Variants in CCT2 observed in about 807,000 individuals in gnomAD.
CCT2 encodes chaperonin containing TCP1 subunit 2.
CCT2 carries 18 observed loss-of-function variants against 61.8 expected under a neutral mutation model. The ratio of observed to expected loss-of-function variants is 0.29; its 90% confidence interval spans 0.20 to 0.43. CCT2 has a LOEUF of 0.43. CCT2 is among the 20% of genes least tolerant of loss of function. CCT2 has a pLI of 1.00. For synonymous variants in CCT2, 248 were observed against 215.9 expected (o/e 1.15, Z -1.30); for missense variants, 556 against 656.9 (o/e 0.85, Z 1.68).
chr12:69,587,598 G>C lies in CCT2; in HGVS notation c.238G>C (p.Ala80Pro). 6.2e-7 allele frequency: 1 copy of C among 1,608,518 alleles called. No individual in the cohort carries two copies. Among genetic ancestry groups the C allele is most frequent in the Middle Eastern group, 1.7e-4 (1 of 6,050 alleles). Residue 80 changes from alanine (A) to proline (P), a missense_variant, in exon 4 of 16, where the codon GCA (alanine) becomes CCA (proline). Physicochemically the swap from Ala to Pro is conservative, Grantham distance 27. Transcript: ENST00000299300. ...ILKNIGVDNP[A>P]AKVLVDMSRV... Reference sequence around the variant, plus strand: ...AAAAAACATTGGTGTTGACAATCCAGCAGCTAAAGTTTTAGTTGGTAAGTC... The same window carrying C: ...AAAAAACATTGGTGTTGACAATCCACCAGCTAAAGTTTTAGTTGGTAAGTC...
At position 69,599,909 on chromosome 12, in the gene CCT2, A is replaced by C. The variant is rs1050845952; in HGVS notation, c.1482A>C (p.Thr494=). 1 of 1,614,030 alleles carries C rather than the reference A, an allele frequency of 6.2e-7. No homozygotes were observed. Among genetic ancestry groups the C allele is most frequent in the Non-Finnish European group, 8.5e-7 (1 of 1,179,886 alleles). Residue 494 remains threonine, a synonymous_variant, in exon 15 of 16, where the codon ACA becomes ACC. Coordinates refer to ENST00000299300, the MANE Select transcript of CCT2 (RefSeq NM_006431.3). The part of the protein sequence containing the change: ...TIGDMAILGI[T]ESFQVKRQVL... ...GAGATATGGCTATCCTGGGTATAACAGAAAGTTTTCAAGTGAAGCGACAGG... is the reference window on the plus strand; with the variant it reads ...GAGATATGGCTATCCTGGGTATAACCGAAAGTTTTCAAGTGAAGCGACAGG...
intron 8 of CCT2, 190 bp from the exon 9 acceptor site, chr12:69,592,786 G>A (rs1881873698): frequency 2.3e-6 from 1 of 430,372 alleles, no homozygotes; most frequent in South Asian, 3.1e-5. Context: ...AAATTAGCTG[G>A]GTGTGGTGGC....
At chr12:69,589,848 ACTC>A (rs1881781786) in intron 7 of CCT2, 161 bp downstream of exon 7, 4 of 616,766 alleles carry the variant, frequency 6.5e-6, no homozygotes, top group Middle Eastern at 4.3e-4. Context: ...TTGACAGTGT[ACTC>A]CTCTTCCCGC....
Position 69,585,513 on chromosome 12 carries a change from C to T in CCT2, c.-9C>T, listed in dbSNP as rs1486574630. The T allele has an allele frequency of 1.3e-6, 2 of 1,568,040 alleles. No individual in the cohort carries two copies. Among genetic ancestry groups the T allele is most frequent in the Admixed American group, 1.9e-5 (1 of 53,278 alleles). ...GGGGATTCACTTGTGTGCGGAACTC[C>T]TCGGAACCATGGTGAGCCTGACTCC... is the stretch of plus-strand genomic sequence containing the variant. On this transcript the variant is annotated 5_prime_UTR_variant, in exon 1 of 16. Transcript: ENST00000299300.
chr12:69,586,320 A>G lies in CCT2; in HGVS notation c.54A>G (p.Glu18=). The G allele has an allele frequency of 1.9e-6, 3 of 1,612,632 alleles. No homozygotes were observed. The highest frequency in any genetic ancestry group is 2.5e-6 in the Non-Finnish European group (3 of 1,178,724). Residue 18 remains glutamate (E), a synonymous_variant, in exon 2 of 16, where the codon GAA becomes GAG. Coordinates refer to ENST00000299300, the MANE Select transcript of CCT2 (RefSeq NM_006431.3). Reference sequence around the variant, plus strand: ...ACATCTTTAAGGCAGGAGCTGATGAAGAGAGAGCAGAGACAGCTCGTCTGG... The same window carrying G: ...ACATCTTTAAGGCAGGAGCTGATGAGGAGAGAGCAGAGACAGCTCGTCTGG... ...PVNIFKAGAD[E]ERAETARLTS...
At chr12:69,585,681 C>T (rs1881625631) in intron 1 of CCT2, 157 bp downstream of exon 1, 2 of 1,513,774 alleles carry the variant, frequency 1.3e-6, no homozygotes, top group African/African-American at 1.4e-5. Context: ...CGGCCTGCGC[C>T]AGGCCAGCCG....
chr12:69,589,121 TTTCA>T, intron 6 of CCT2: 1 of 203,774 alleles, frequency 4.9e-6, no homozygotes, highest in South Asian at 8.2e-5. Flanking sequence ...GTAGATGGGG[TTTCA>T]CCATGTTGCT....
rs746810317 is a variant in CCT2 at position 69,587,659 on chromosome 12, T to C, written c.256+43T>C. 3 of 1,242,222 alleles carry C rather than the reference T, an allele frequency of 2.4e-6. No homozygotes were observed. The African/African-American group carries it at 4.5e-5, about 18-fold the overall frequency. 76.9% of individuals were successfully genotyped at this position (1,242,222 alleles called of 1,614,324 possible). A position where few individuals can be genotyped will look rare whatever the true frequency, so the allele number is the denominator to read the frequency against. ...TTTTCACCAACCTAATAATACTGTT[T>C]GTTAACATTTTTGAAATAACTTTAT... is the stretch of plus-strand genomic sequence containing the variant. On this transcript the variant is annotated intron_variant, in intron 4 of 15. Coordinates refer to ENST00000299300, the MANE Select transcript of CCT2 (RefSeq NM_006431.3).
intron 5 of CCT2, 53 bp downstream of exon 5, chr12:69,588,059 G>A (rs1881716401): frequency 1.3e-6 from 2 of 1,544,710 alleles, no homozygotes. Flanking sequence ...AGTATCAGAG[G>A]TAATCTAGTC....
intron 7 of CCT2, among the ~76,000 whole-genome samples, chr12:69,590,078 C>T (rs1384611874): frequency 6.6e-6 from 1 of 152,188 alleles, no homozygotes; most frequent in Non-Finnish European, 1.5e-5. Flanking sequence ...CATTGAACAA[C>T]ATGGGTTTGA....
chr12:69,598,253 C>T, intron 13 of CCT2, 69 bp from the exon 14 acceptor site: 1 of 1,193,620 alleles, frequency 8.4e-7, no homozygotes, highest in Non-Finnish European at 1.2e-6. Flanking sequence ...AAAAAGCTAT[C>T]CTAGTTAGGA....
intron 8 of CCT2, chr12:69,592,492 CAA>C (rs11367247): frequency 3.0e-3 from 484 of 159,332 alleles, no homozygotes; most frequent in South Asian, 7.5e-3. Flanking sequence ...TCAAAAGTCT[CAA>C]AAAAAAAAAA....
At chr12:69,590,560 A>G (rs951893262) in intron 7 of CCT2, among the ~76,000 whole-genome samples, 8 of 152,048 alleles carry the variant, frequency 5.3e-5, no homozygotes, top group Non-Finnish European at 7.4e-5. Flanking sequence ...TAGAGAAGGA[A>G]AAAAAAAGAA....
At position 69,585,783 on chromosome 12, in the gene CCT2, G is replaced by T. The variant is rs547602714; in HGVS notation, c.3+259G>T. On this transcript the variant is annotated intron_variant, in intron 1 of 15. Coordinates refer to ENST00000299300, the MANE Select transcript of CCT2 (RefSeq NM_006431.3). ...CATAGTCCCGGCAGCCCAGGTCCGC[G>T]CCTCACCCGGAGCGAAGAAATTTCT... The T allele has an allele frequency of 2.3e-3, 3,223 of 1,385,658 alleles. 7 individuals carry two copies. Among genetic ancestry groups the T allele is most frequent in the Non-Finnish European group, 2.7e-3 (2,924 of 1,070,650 alleles). 85.8% of individuals were successfully genotyped at this position (1,385,658 alleles called of 1,614,324 possible). A position where few individuals can be genotyped will look rare whatever the true frequency, so the allele number is the denominator to read the frequency against.
At position 69,586,339 on chromosome 12, in the gene CCT2, C is replaced by T; in HGVS notation, c.73C>T (p.Arg25Cys). 1 of 1,608,396 alleles carries T rather than the reference C, an allele frequency of 6.2e-7. No homozygotes were observed. The highest frequency in any genetic ancestry group is 8.5e-7 in the Non-Finnish European group (1 of 1,174,920). ...TGATGAAGAGAGAGCAGAGACAGCT[C>T]GTCTGGTAAGCCTTGTTCTAAGCAT... Reference protein sequence around the residue: ...GADEERAETARLTSFIGAIAI... With the variant: ...GADEERAETACLTSFIGAIAI... Residue 25 changes from arginine (R) to cysteine (C), a missense_variant, in exon 2 of 16, where the codon CGT becomes TGT. Physicochemically the swap from Arg to Cys is radical, Grantham distance 180. Coordinates refer to ENST00000299300, the MANE Select transcript of CCT2 (RefSeq NM_006431.3).
intron 5 of CCT2, 27 bp from the exon 6 acceptor site, chr12:69,588,123 A>G: frequency 1.9e-6 from 3 of 1,583,570 alleles, no homozygotes; most frequent in Non-Finnish European, 2.6e-6. Flanking sequence ...TCTATTTATA[A>G]CTTTTGTTTT....
chr12:69,597,995 C>T lies in CCT2; in HGVS notation c.1259C>T (p.Ala420Val). Residue 420 changes from alanine to valine, a missense_variant, in exon 13 of 16, where the codon GCT (alanine) becomes GTT (valine). Ala to Val is a moderately conservative substitution (Grantham distance 64). This residue lies in a region of CCT2 where 225 missense variants were observed against 249.8 expected (regional missense o/e 0.90). Coordinates refer to ENST00000299300, the MANE Select transcript of CCT2 (RefSeq NM_006431.3). ...GGCSEMLMAH[A>V]VTQLANRTPG... ...TGTTCTGAGATGTTGATGGCTCATG[C>T]TGTGACACAGCTTGCCAATAGAACA... 6.2e-7 allele frequency: 1 copy of T among 1,613,768 alleles called. No homozygotes were observed. The highest frequency in any genetic ancestry group is 8.5e-7 in the Non-Finnish European group (1 of 1,179,728).
At chr12:69,595,038 G>C (rs1372907845) in intron 10 of CCT2, among the ~76,000 whole-genome samples, 1 of 147,712 alleles carries the variant, frequency 6.8e-6, no homozygotes, top group African/African-American at 2.6e-5. Context: ...TGAATGAATA[G>C]GTTGGAAAGT....
chr12:69,588,228 A>C lies in CCT2; in HGVS notation c.412A>C (p.Arg138=). 1.2e-6 allele frequency: 2 copies of C among 1,613,940 alleles called. No individual in the cohort carries two copies. The highest frequency in any genetic ancestry group is 1.7e-6 in the Non-Finnish European group (2 of 1,179,776). The change falls in exon 6 of 16, where the codon AGA becomes CGA. Residue 138 remains arginine (R), a synonymous_variant. Coordinates refer to ENST00000299300, the MANE Select transcript of CCT2 (RefSeq NM_006431.3). ...AGWREATKAA[R]EALLSSAVDH... ...TTGGAGAGAAGCCACGAAGGCTGCAAGAGAGGCGCTGTTGAGTTCTGCAGT... is the reference window on the plus strand; with the variant it reads ...TTGGAGAGAAGCCACGAAGGCTGCACGAGAGGCGCTGTTGAGTTCTGCAGT...
Sources: allele counts gnomAD v4.1 joint callset (sites outside exome capture counted in the v4.1 genomes callset), GRCh38; gene constraint gnomAD v4.1.1; regional missense constraint gnomAD v4.1.1; transcripts MANE v1.5; gene names NCBI Gene and HGNC (gene_info 2026-07-23, HGNC 2026-07-21).